Variants in GALNT13 observed in about 807,000 individuals in gnomAD.
GALNT13 encodes the protein polypeptide N-acetylgalactosaminyltransferase 13.
Under a neutral mutation model 64.2 loss-of-function variants are expected in GALNT13, and 28 were observed. The ratio of observed to expected loss-of-function variants is 0.44; its 90% confidence interval spans 0.32 to 0.60. The LOEUF is 0.60. Ranked by LOEUF, GALNT13 falls within the 20% of genes least tolerant of loss-of-function variation. The pLI is 0.05. For missense variants in GALNT13, 577 were observed against 669.8 expected, an observed-to-expected ratio of 0.86 and a Z score of 1.53; for synonymous variants, 214 against 224.6, an observed-to-expected ratio of 0.95 and a Z score of 0.42.
chr2:154,337,336 G>A (rs1004094233), intron 9 of GALNT13, among the ~76,000 whole-genome samples: 7 of 151,962 alleles, frequency 4.6e-5, no homozygotes, highest in Non-Finnish European at 7.4e-5. Context: ...TGCTTTATTG[G>A]TAAATTATGA....
chr2:153,142,040 A>C, the GALNT13 span, among the ~76,000 whole-genome samples: 1 of 152,072 alleles, frequency 6.6e-6, no homozygotes, highest in Non-Finnish European at 1.5e-5. Flanking sequence ...GACATCATGA[A>C]GCGTTATTTT....
intron 4 of GALNT13, among the ~76,000 whole-genome samples, chr2:154,221,057 G>T (rs1035524574): frequency 6.6e-5 from 10 of 151,934 alleles, no homozygotes; most frequent in Admixed American, 3.3e-4. Context: ...GACTCCAAAA[G>T]CTTCTAATAG....
At chr2:153,481,381 T>A in the GALNT13 span, among the ~76,000 whole-genome samples, 1 of 152,164 alleles carries the variant, frequency 6.6e-6, no homozygotes, top group African/African-American at 2.4e-5. Flanking sequence ...ACAATTTCAG[T>A]TTTTCTCCTT....
intron 4 of GALNT13, among the ~76,000 whole-genome samples, chr2:154,219,500 G>A (rs1688215270): frequency 6.6e-6 from 1 of 152,000 alleles, no homozygotes; most frequent in Non-Finnish European, 1.5e-5. Flanking sequence ...TTATTTTCAA[G>A]CAATATTCAT....
the GALNT13 span, among the ~76,000 whole-genome samples, chr2:153,413,854 C>T: frequency 6.6e-6 from 1 of 152,086 alleles, no homozygotes. Flanking sequence ...TTTAGAATCC[C>T]AATCTCTCAT....
the GALNT13 span, among the ~76,000 whole-genome samples, chr2:153,658,808 C>G: frequency 2.0e-5 from 3 of 151,304 alleles, no homozygotes; most frequent in East Asian, 5.8e-4. Context: ...TAAGACAATC[C>G]AGAAATTCAC....
intron 4 of GALNT13, among the ~76,000 whole-genome samples, chr2:154,200,753 T>A (rs1218969784): frequency 6.6e-6 from 1 of 152,126 alleles, no homozygotes; most frequent in Non-Finnish European, 1.5e-5. Flanking sequence ...ACACCTCACC[T>A]CTTGCTACTA....
intron 4 of GALNT13, among the ~76,000 whole-genome samples, chr2:154,209,878 A>C (rs1687671174): frequency 6.6e-6 from 1 of 152,202 alleles, no homozygotes; most frequent in Non-Finnish European, 1.5e-5. Context: ...TTTCAAATTT[A>C]ATCTCCTAGA....
At chr2:153,171,201 C>T in the GALNT13 span, among the ~76,000 whole-genome samples, 11 of 152,114 alleles carry the variant, frequency 7.2e-5, no homozygotes, top group East Asian at 1.9e-4. Flanking sequence ...TGTATAGGCA[C>T]GTGATGCACA....
chr2:153,598,222 T>C, the GALNT13 span, among the ~76,000 whole-genome samples: 1 of 152,130 alleles, frequency 6.6e-6, no homozygotes, highest in Non-Finnish European at 1.5e-5. Flanking sequence ...ACCAGATATC[T>C]GCCTAATTTC....
the GALNT13 span, among the ~76,000 whole-genome samples, chr2:153,656,492 T>G: frequency 6.6e-6 from 1 of 152,104 alleles, no homozygotes; most frequent in African/African-American, 2.4e-5. Flanking sequence ...TTTATCTGTT[T>G]CTCTTGAAAC....
intron 3 of GALNT13, among the ~76,000 whole-genome samples, chr2:154,115,002 A>G (rs984350156): frequency 1.3e-5 from 2 of 152,216 alleles, no homozygotes; most frequent in African/African-American, 2.4e-5. Flanking sequence ...GATCTGACAT[A>G]TGGAGAAGAG....
At chr2:153,778,429 A>AC in the GALNT13 span, among the ~76,000 whole-genome samples, 1 of 151,778 alleles carries the variant, frequency 6.6e-6, no homozygotes, top group Non-Finnish European at 1.5e-5. Context: ...ACTTCCCTTC[A>AC]CCCCTTCTCC....
At chr2:153,164,010 T>C in the GALNT13 span, among the ~76,000 whole-genome samples, 3 of 126,428 alleles carry the variant, frequency 2.4e-5, no homozygotes, top group African/African-American at 9.7e-5. Flanking sequence ...CGAGCCAGGC[T>C]CCGTCTCAAA....
chr2:153,122,662 C>T, the GALNT13 span, among the ~76,000 whole-genome samples: 1 of 152,126 alleles, frequency 6.6e-6, no homozygotes, highest in Non-Finnish European at 1.5e-5. Context: ...GGTCTGGGCG[C>T]CACTTTCATA....
At chr2:153,600,917 T>A in the GALNT13 span, among the ~76,000 whole-genome samples, 7 of 151,870 alleles carry the variant, frequency 4.6e-5, no homozygotes, top group Non-Finnish European at 1.0e-4. Context: ...CCTCCCTAAT[T>A]CAATCATTGT....
intron 8 of GALNT13, among the ~76,000 whole-genome samples, chr2:154,281,275 AT>A (rs1691946304): frequency 1.3e-5 from 2 of 152,226 alleles, no homozygotes; most frequent in East Asian, 1.9e-4. Context: ...ATGGCCTTAC[AT>A]TTTTTATTTC....
chr2:153,102,192 TTCTC>T, the GALNT13 span, among the ~76,000 whole-genome samples: 8 of 152,054 alleles, frequency 5.3e-5, no homozygotes, highest in East Asian at 3.9e-4. Context: ...GTCTCCCTCT[TTCTC>T]TCTCTATCTC....
chr2:154,039,819 C>CTA (rs1187967208), intron 3 of GALNT13, among the ~76,000 whole-genome samples: 1 of 139,826 alleles, frequency 7.2e-6, no homozygotes, highest in Non-Finnish European at 1.6e-5. Context: ...GATGGATATG[C>CTA]TAATTACCCT....
Sources: allele counts gnomAD v4.1 joint callset (sites outside exome capture counted in the v4.1 genomes callset), GRCh38; gene constraint gnomAD v4.1.1; transcripts MANE v1.5; gene names NCBI Gene and HGNC (gene_info 2026-07-23, HGNC 2026-07-21).